Variants in NR6A1 observed in about 807,000 individuals in gnomAD.
NR6A1 encodes the protein nuclear receptor subfamily 6 group A member 1, also known as retinoic acid receptor-related testis-associated receptor.
In NR6A1, 7 loss-of-function variants were observed where a neutral mutation model predicts 59.1. The observed-to-expected ratio is 0.12, with a 90% CI of 0.07 to 0.22. The LOEUF is 0.22. Among genes scored for constraint, NR6A1 ranks in the 10% least tolerant of loss-of-function variants. The pLI, the probability that NR6A1 is intolerant of heterozygous loss-of-function variation, is 1.00. For missense variants in NR6A1, 468 were observed against 611.6 expected, an observed-to-expected ratio of 0.77 and a Z score of 2.48; for synonymous variants, 243 against 236.1, an observed-to-expected ratio of 1.03 and a Z score of -0.27.
At chr9:124,737,663 C>T (rs1269290264) in intron 1 of NR6A1, among the ~76,000 whole-genome samples, 4 of 152,070 alleles carry the variant, frequency 2.6e-5, no homozygotes, top group African/African-American at 9.7e-5. Flanking sequence ...GTCAGGAGTT[C>T]GAGACCAGCA....
chr9:124,652,417 G>C (rs536070541), intron 2 of NR6A1, among the ~76,000 whole-genome samples: 1 of 152,164 alleles, frequency 6.6e-6, no homozygotes, highest in South Asian at 2.1e-4. Flanking sequence ...TCCTCTCTCT[G>C]AGCCTCAATA....
intron 2 of NR6A1, among the ~76,000 whole-genome samples, chr9:124,623,412 A>C (rs1836137454): frequency 6.6e-6 from 1 of 152,050 alleles, no homozygotes; most frequent in African/African-American, 2.4e-5. Context: ...CCCAGGCTGA[A>C]GTGTAGTGAC....
chr9:124,646,707 T>A (rs1040045315), intron 2 of NR6A1, among the ~76,000 whole-genome samples: 3 of 152,080 alleles, frequency 2.0e-5, no homozygotes, highest in African/African-American at 7.2e-5. Context: ...TTTAAGAAAG[T>A]TTACGAACTT....
intron 2 of NR6A1, among the ~76,000 whole-genome samples, chr9:124,590,660 TA>T (rs1266565957): frequency 6.6e-6 from 1 of 152,222 alleles, no homozygotes; most frequent in Non-Finnish European, 1.5e-5. Context: ...GCCATTGATA[TA>T]ACCCCTGAAC....
At chr9:124,681,568 C>T (rs1023516620) in intron 2 of NR6A1, among the ~76,000 whole-genome samples, 1 of 152,076 alleles carries the variant, frequency 6.6e-6, no homozygotes, top group African/African-American at 2.4e-5. Flanking sequence ...TCTTGAACTA[C>T]TGACCTCGTG....
rs573031769 is a variant in NR6A1 at position 124,634,071 on chromosome 9, G to A, written c.143-79501C>T. ...TTGATTATTCAGAGGATGATAATCC[G>A]AATTGTATTTGTATAGTCAGCCTGT... On this transcript the variant is annotated intron_variant, in intron 2 of 9. Transcript: ENST00000487099. 8.6e-4 allele frequency among the ~76,000 whole-genome samples: 131 copies of A among 152,226 alleles called. 1 individual carries two copies. The highest frequency in any genetic ancestry group is 3.1e-3 in the African/African-American group (129 of 41,530).
intron 2 of NR6A1, among the ~76,000 whole-genome samples, chr9:124,600,527 C>T (rs1167241415): frequency 6.6e-6 from 1 of 152,194 alleles, no homozygotes; most frequent in Non-Finnish European, 1.5e-5. Flanking sequence ...TACAAACACT[C>T]ATGGAGTGTC....
At chr9:124,620,205 T>C (rs775521197) in intron 2 of NR6A1, among the ~76,000 whole-genome samples, 13 of 151,812 alleles carry the variant, frequency 8.6e-5, no homozygotes, top group Non-Finnish European at 1.5e-5. Context: ...TCAGAAGATA[T>C]AGAAGATGAT....
At chr9:124,705,141 A>C (rs1421258920) in intron 2 of NR6A1, among the ~76,000 whole-genome samples, 1 of 152,224 alleles carries the variant, frequency 6.6e-6, no homozygotes, top group Admixed American at 6.5e-5. Flanking sequence ...TTTGTTATGA[A>C]TCTCTAATTT....
intron 2 of NR6A1, among the ~76,000 whole-genome samples, chr9:124,571,506 G>C (rs1207271769): frequency 6.6e-6 from 1 of 152,198 alleles, no homozygotes; most frequent in East Asian, 1.9e-4. Flanking sequence ...TACACTGCTA[G>C]ACAAGTTGAC....
chr9:124,725,380 A>G (rs1839682967), intron 2 of NR6A1, among the ~76,000 whole-genome samples: 1 of 151,096 alleles, frequency 6.6e-6, no homozygotes, highest in Non-Finnish European at 1.5e-5. Context: ...GCTTTATCAC[A>G]CTAAAGGTAT....
intron 5 of NR6A1, among the ~76,000 whole-genome samples, chr9:124,539,442 C>T (rs1349605753): frequency 6.6e-6 from 1 of 152,172 alleles, no homozygotes; most frequent in Non-Finnish European, 1.5e-5. Context: ...ACTATCTGGC[C>T]TTTGCAGAAA....
chr9:124,634,422 T>C (rs1273383295), intron 2 of NR6A1, among the ~76,000 whole-genome samples: 1 of 152,212 alleles, frequency 6.6e-6, no homozygotes, highest in African/African-American at 2.4e-5. Flanking sequence ...CAATTCCATA[T>C]TCCCCAGCCT....
rs1026342510 is a variant in NR6A1, at chr9:124,518,001, C to T, written c.*4704G>A. ...GAAATTTGAATCAACAACATTATCA[C>T]CTATTACAAGACATTTTAGAGAAAG... On this transcript the variant is annotated 3_prime_UTR_variant, in exon 10 of 10. Coordinates refer to ENST00000487099, the MANE Select transcript of NR6A1 (RefSeq NM_033334.4). The T allele has an allele frequency of 2.7e-5, 4 of 150,860 alleles. No individual in the cohort carries two copies. The highest frequency in any genetic ancestry group is 5.9e-5 in the Non-Finnish European group (4 of 67,802). 9.3% of individuals were successfully genotyped at this position (150,860 alleles called of 1,614,324 possible). A position where few individuals can be genotyped will look rare whatever the true frequency, so the allele number is the denominator to read the frequency against.
chr9:124,543,653 C>A (rs909207606), intron 4 of NR6A1, 149 bp downstream of exon 4: 1 of 565,866 alleles, frequency 1.8e-6, no homozygotes, highest in African/African-American at 1.9e-5. Context: ...AGCACTTTCA[C>A]ATCCAGGATG....
intron 2 of NR6A1, among the ~76,000 whole-genome samples, chr9:124,565,030 C>T (rs1564181337): frequency 6.6e-6 from 1 of 152,038 alleles, no homozygotes; most frequent in Non-Finnish European, 1.5e-5. Context: ...AAACCCAATT[C>T]TACTATAATT....
At chr9:124,700,204 T>C (rs1169981579) in intron 2 of NR6A1, among the ~76,000 whole-genome samples, 3 of 149,924 alleles carry the variant, frequency 2.0e-5, no homozygotes, top group African/African-American at 7.4e-5. Flanking sequence ...TGAGTTTGGC[T>C]TTTTTTTTGA....
At chr9:124,715,600 T>A (rs958722465) in intron 2 of NR6A1, among the ~76,000 whole-genome samples, 2 of 152,028 alleles carry the variant, frequency 1.3e-5, no homozygotes, top group Admixed American at 1.3e-4. Flanking sequence ...TGACCACTCT[T>A]CCCAAATGGA....
chr9:124,576,578 C>T (rs55909411), intron 2 of NR6A1, among the ~76,000 whole-genome samples: 2,390 of 152,270 alleles, frequency 0.016, 34 homozygotes, highest in Non-Finnish European at 0.028. Context: ...TGAACCACCG[C>T]GCCCAGCCAA....
Sources: allele counts gnomAD v4.1 joint callset (sites outside exome capture counted in the v4.1 genomes callset), GRCh38; gene constraint gnomAD v4.1.1; transcripts MANE v1.5; gene names NCBI Gene and HGNC (gene_info 2026-07-23, HGNC 2026-07-21).